ZBTB40: variants seen among roughly 807,000 people sequenced by gnomAD.
ZBTB40 encodes the protein zinc finger and BTB domain containing 40.
ZBTB40 carries 60 observed loss-of-function variants against 117.5 expected under a neutral mutation model. The ratio of observed to expected loss-of-function variants is 0.51; its 90% confidence interval spans 0.41 to 0.63. The LOEUF (loss-of-function observed/expected upper bound fraction) is 0.63. Among genes scored for constraint, ZBTB40 ranks in the 30% least tolerant of loss-of-function variants. The pLI is 0.00. For synonymous variants in ZBTB40, 525 were observed against 577.1 expected (o/e 0.91, Z 1.29); for missense variants, 1,287 against 1,498.5 (o/e 0.86, Z 2.33).
At chr1:22,457,994 C>G (rs898893777) in intron 1 of ZBTB40, among the ~76,000 whole-genome samples, 2 of 152,216 alleles carry the variant, frequency 1.3e-5, no homozygotes, top group African/African-American at 4.8e-5. Context: ...TTCTTAGGCT[C>G]AGTGGATGGC....
At chr1:22,431,920 G>A (rs956828493) in intron 1 of ZBTB40, among the ~76,000 whole-genome samples, 20 of 151,924 alleles carry the variant, frequency 1.3e-4, no homozygotes, top group African/African-American at 4.6e-4. Context: ...ACAATGAAAA[G>A]TTTTGCTCCC....
At chr1:22,457,392 G>T (rs6684107) in intron 1 of ZBTB40, among the ~76,000 whole-genome samples, 8,691 of 152,248 alleles carry the variant, frequency 0.057, 618 homozygotes, top group African/African-American at 0.16. Context: ...TTTATCTTAG[G>T]ATATTCTGTA....
At chr1:22,450,026 C>T (rs1366405197), upstream of ZBTB40, among the ~76,000 whole-genome samples, 2 of 151,932 alleles carry the variant, frequency 1.3e-5, no homozygotes, top group East Asian at 3.9e-4. Context: ...TCACTCCAAC[C>T]TCCGCCTCCC....
chr1:22,521,188 C>T (rs867986892), intron 14 of ZBTB40, among the ~76,000 whole-genome samples: 2 of 152,212 alleles, frequency 1.3e-5, no homozygotes, highest in East Asian at 1.9e-4. Flanking sequence ...TTTAACCCCT[C>T]GGTGTCTCCG....
chr1:22,453,484 G>A (rs1640931867), intron 1 of ZBTB40, among the ~76,000 whole-genome samples: 1 of 152,174 alleles, frequency 6.6e-6, no homozygotes, highest in Non-Finnish European at 1.5e-5. Context: ...GCTTGGACAA[G>A]TGGTATACAG....
intron 5 of ZBTB40, 90 bp downstream of exon 5, chr1:22,502,531 A>C (rs1159338056): frequency 6.4e-7 from 1 of 1,552,416 alleles, no homozygotes; most frequent in South Asian, 1.1e-5. Flanking sequence ...TATACTTTGC[A>C]GTATTTTAAT....
intron 1 of ZBTB40, among the ~76,000 whole-genome samples, chr1:22,467,009 G>A (rs1641272098): frequency 1.3e-5 from 2 of 151,858 alleles, no homozygotes; most frequent in Admixed American, 6.6e-5. Context: ...TCCATAATAT[G>A]GCTGTATGCC....
intron 1 of ZBTB40, among the ~76,000 whole-genome samples, chr1:22,445,560 C>T (rs1203016181): frequency 6.6e-6 from 1 of 151,980 alleles, no homozygotes; most frequent in East Asian, 1.9e-4. Context: ...TACCAAAAGG[C>T]AATAAACAAA....
chr1:22,525,485 C>G (rs1639652024), intron 17 of ZBTB40, among the ~76,000 whole-genome samples: 2 of 152,202 alleles, frequency 1.3e-5, no homozygotes. Context: ...GGGCATCTAG[C>G]TCTTCTGGGA....
Position 22,531,084 on chromosome 1 carries a change from T to G in ZBTB40, c.*4688T>G, listed in dbSNP as rs955014410. ...TGCCCTACAGAATTGTAGTATGAAT[T>G]AAAAGTCTGGATTTAATGTATTTAA... On this transcript the variant is annotated 3_prime_UTR_variant, in exon 18 of 18. Coordinates refer to ENST00000375647, the MANE Select transcript of ZBTB40 (RefSeq NM_014870.4). 6.6e-6 allele frequency: 1 copy of G among 152,200 alleles called. No homozygotes were observed. Among genetic ancestry groups the G allele is most frequent in the Admixed American group, 6.5e-5 (1 of 15,284 alleles). The allele number at this position is 152,200 out of a possible 1,614,324, so 9.4% of individuals were successfully genotyped here. A position where few individuals can be genotyped will look rare whatever the true frequency, so the allele number is the denominator to read the frequency against.
chr1:22,502,965 A>G (rs1008965799), intron 5 of ZBTB40, among the ~76,000 whole-genome samples: 1 of 152,208 alleles, frequency 6.6e-6, no homozygotes, highest in African/African-American at 2.4e-5. Flanking sequence ...AGGCTGAAGC[A>G]TGTGTTCCCC....
chr1:22,508,378 G>A, intron 7 of ZBTB40, 152 bp from the exon 8 acceptor site: 1 of 1,008,456 alleles, frequency 9.9e-7, no homozygotes, highest in Non-Finnish European at 1.5e-6. Context: ...ACTTTGTCAT[G>A]TATAAGAAAT....
At chr1:22,478,042 T>A (rs964651294) in intron 1 of ZBTB40, among the ~76,000 whole-genome samples, 1 of 152,244 alleles carries the variant, frequency 6.6e-6, no homozygotes, top group Non-Finnish European at 1.5e-5. Flanking sequence ...TGTTATTTTG[T>A]CGTCCTTGAC....
chr1:22,508,157 A>G lies in ZBTB40; in HGVS notation c.1497+20A>G, dbSNP rs1437369617. On this transcript the variant is annotated intron_variant, in intron 7 of 17. Transcript: ENST00000375647. Reference sequence around the variant, plus strand: ...AGAGAGGTAAGAGAGGGAGAGAAACAGAGGGAGGGGAGGGTAAAATGAGAA... The same window carrying G: ...AGAGAGGTAAGAGAGGGAGAGAAACGGAGGGAGGGGAGGGTAAAATGAGAA... 4 of 1,611,736 alleles carry G rather than the reference A, an allele frequency of 2.5e-6. No individual in the cohort carries two copies.
At chr1:22,469,698 C>T (rs576128242) in intron 1 of ZBTB40, among the ~76,000 whole-genome samples, 26 of 151,912 alleles carry the variant, frequency 1.7e-4, no homozygotes, top group Non-Finnish European at 3.1e-4. Flanking sequence ...CTACCACGCC[C>T]GACTAATTTT....
chr1:22,429,530 A>G (rs1640549239), intron 1 of ZBTB40, among the ~76,000 whole-genome samples: 1 of 152,010 alleles, frequency 6.6e-6, no homozygotes, highest in Non-Finnish European at 1.5e-5. Flanking sequence ...TCACCTTACC[A>G]TCCAATTCTC....
intron 1 of ZBTB40, among the ~76,000 whole-genome samples, chr1:22,480,394 T>C (rs1638257965): frequency 6.6e-6 from 1 of 152,260 alleles, no homozygotes. Context: ...GCCTTCTGTT[T>C]CAAAGGTCCC....
chr1:22,458,934 T>A (rs1641067479), intron 1 of ZBTB40, among the ~76,000 whole-genome samples: 1 of 152,196 alleles, frequency 6.6e-6, no homozygotes. Context: ...AAAATTAAAT[T>A]CCTTTTTACC....
At chr1:22,462,999 T>G (rs1036015474) in intron 1 of ZBTB40, among the ~76,000 whole-genome samples, 2 of 135,978 alleles carry the variant, frequency 1.5e-5, no homozygotes, top group East Asian at 4.9e-4. Context: ...CACCTAACAT[T>G]TAGTGACTGT....
Sources: gnomAD v4.1 joint callset for allele counts (sites outside exome capture counted in the v4.1 genomes callset) on GRCh38, gnomAD v4.1.1 for gene constraint, MANE v1.5 for transcripts, NCBI Gene and HGNC (gene_info 2026-07-23, HGNC 2026-07-21) for gene names.